The following OS9 variants were observed in gnomAD, a reference collection of about 807,000 sequenced individuals.
OS9 encodes the protein protein OS-9.
A neutral mutation model predicts 84.7 loss-of-function variants in OS9; 58 were observed. The ratio of observed to expected loss-of-function variants is 0.68; its 90% CI spans 0.55 to 0.85. The LOEUF (loss-of-function observed/expected upper bound fraction) is 0.85, where lower values mean the gene tolerates loss of function less well. OS9 is among the 40% of genes least tolerant of loss of function. The probability of loss-of-function intolerance (pLI) is 0.00; values close to 1 mark genes in which losing one functional copy is unlikely to be tolerated. For missense variants in OS9, 760 were observed against 850.9 expected (o/e 0.89, Z 1.33); for synonymous variants, 278 against 320.8 (o/e 0.87, Z 1.43).
At chr12:57,704,642 A>T (rs10783844) in intron 5 of OS9, among the ~76,000 whole-genome samples, 2 of 151,992 alleles carry the variant, frequency 1.3e-5, no homozygotes, top group East Asian at 1.9e-4. Context: ...AAGTTAGGAA[A>T]GCATTCTTTA....
At chr12:57,717,125 A>G (rs1355410169) in intron 9 of OS9, among the ~76,000 whole-genome samples, 4 of 152,232 alleles carry the variant, frequency 2.6e-5, no homozygotes, top group Non-Finnish European at 4.4e-5. Context: ...AGGGAAGACA[A>G]GCCCTTAGCC....
Position 57,695,513 on chromosome 12 carries a change from C to T in OS9, c.340-267C>T, listed in dbSNP as rs541317104. 1.8e-4 allele frequency: 118 copies of T among 659,258 alleles called. No individual in the cohort carries two copies. In the African/African-American group the frequency reaches 1.9e-3, roughly 11 times the overall value. The allele number at this position is 659,258 out of a possible 1,614,324, so 40.8% of individuals were successfully genotyped here. A position where few individuals can be genotyped will look rare whatever the true frequency, so the allele number is the denominator to read the frequency against. ...CATAATTTCTTATCTTTATGGAGGGCAAATAAGGATTTAAAAAATCTTTTA... is the reference window on the plus strand; with the variant it reads ...CATAATTTCTTATCTTTATGGAGGGTAAATAAGGATTTAAAAAATCTTTTA... On this transcript the variant is annotated intron_variant, in intron 2 of 14. Coordinates refer to ENST00000315970, the MANE Select transcript of OS9 (RefSeq NM_006812.4).
chr12:57,720,703 C>A, intron 14 of OS9, 81 bp from the exon 15 acceptor site: 1 of 1,521,290 alleles, frequency 6.6e-7, no homozygotes, highest in Non-Finnish European at 8.9e-7. Context: ...TCATTCCCTG[C>A]CTTCCCCCAG....
At chr12:57,713,764 G>C (rs1015567086) in intron 5 of OS9, among the ~76,000 whole-genome samples, 14 of 150,590 alleles carry the variant, frequency 9.3e-5, no homozygotes, top group African/African-American at 2.9e-4. Context: ...ACTGAGCTGT[G>C]GGGTAGGGGT....
chr12:57,720,641 A>T, intron 14 of OS9, 123 bp downstream of exon 14: 1 of 1,264,160 alleles, frequency 7.9e-7, no homozygotes, highest in South Asian at 1.3e-5. Flanking sequence ...CTGGGGTTCC[A>T]GTGGCTCAGA....
At chr12:57,716,280 G>GC (rs1436541456) in intron 7 of OS9, 87 bp downstream of exon 7, 11 of 513,940 alleles carry the variant, frequency 2.1e-5, no homozygotes, top group South Asian at 1.7e-4. Flanking sequence ...CTGGTGGGGT[G>GC]GGGGGGGGTG....
chr12:57,694,725 C>T, intron 1 of OS9, 25 bp from the exon 2 acceptor site: 5 of 1,612,020 alleles, frequency 3.1e-6, no homozygotes, highest in Non-Finnish European at 4.2e-6. Flanking sequence ...GCTTCCTTGC[C>T]CCCCGACCCT....
At chr12:57,711,338 C>CTTTT (rs34817746) in intron 5 of OS9, among the ~76,000 whole-genome samples, 2 of 63,506 alleles carry the variant, frequency 3.1e-5, no homozygotes, top group Admixed American at 2.6e-4. Flanking sequence ...GGCAGTATAT[C>CTTTT]TTTTTTTTTT....
intron 5 of OS9, among the ~76,000 whole-genome samples, chr12:57,713,339 G>A (rs547296342): frequency 7.2e-5 from 11 of 152,256 alleles, no homozygotes; most frequent in African/African-American, 2.6e-4. Flanking sequence ...CTGGAGTTGG[G>A]GTCAGGAATA....
Position 57,715,932 on chromosome 12 carries a change from A to C in OS9, c.752A>C (p.Gln251Pro). The stretch of plus-strand genomic sequence containing the variant: ...GCCATCCTCTGTCACCCTTCCCTAC[A>C]GCCTGAGGAGTACATGGCCTACGTT... The part of the protein sequence containing the change: ...PQAILCHPSL[Q>P]PEEYMAYVQR... Residue 251 changes from glutamine to proline, a missense_variant, in exon 6 of 15, where the codon CAG becomes CCG. By Grantham distance (76) the Gln-to-Pro change is moderately conservative. Transcript: ENST00000315970. The C allele has an allele frequency of 6.2e-7, 1 of 1,613,090 alleles. No homozygotes were observed. The highest frequency in any genetic ancestry group is 8.5e-7 in the Non-Finnish European group (1 of 1,179,582).
At chr12:57,697,298 G>A (rs1044484678) in intron 5 of OS9, among the ~76,000 whole-genome samples, 5 of 152,230 alleles carry the variant, frequency 3.3e-5, no homozygotes, top group Non-Finnish European at 5.9e-5. Flanking sequence ...CTGTAAGTCT[G>A]CATCACTTCT....
At chr12:57,715,365 AAAT>A (rs368406332) in intron 5 of OS9, among the ~76,000 whole-genome samples, 28 of 151,752 alleles carry the variant, frequency 1.8e-4, no homozygotes, top group East Asian at 3.9e-4. Context: ...TCCATCTCAA[AAAT>A]AATAATAATA....
rs970770929 is a variant in OS9 at position 57,719,360 on chromosome 12, TA to T, written c.1600+179del. The T allele has an allele frequency of 3.3e-4, 198 of 606,002 alleles. No homozygotes were observed. In the African/African-American group the frequency reaches 3.4e-3, roughly 10 times the overall value. 37.5% of individuals were successfully genotyped at this position (606,002 alleles called of 1,614,324 possible). On this transcript the variant is annotated intron_variant, in intron 12 of 14. Transcript: ENST00000315970. ...CAACACCATCATCCCTTTGCGTGTT[TA>T]CCTCCTATTCATCCCTCTGGGAAGC...
chr12:57,709,209 T>G (rs1051447077), intron 5 of OS9, among the ~76,000 whole-genome samples: 3 of 152,234 alleles, frequency 2.0e-5, no homozygotes, highest in African/African-American at 7.2e-5. Context: ...GATATTGTCC[T>G]TTTGTCTGTG....
chr12:57,713,787 T>C (rs992863120), intron 5 of OS9, among the ~76,000 whole-genome samples: 2 of 151,242 alleles, frequency 1.3e-5, no homozygotes, highest in Non-Finnish European at 2.9e-5. Context: ...GGGGCATAGA[T>C]TGAGGGAGCA....
chr12:57,694,223 C>G lies in OS9; in HGVS notation c.62C>G (p.Pro21Arg), dbSNP rs776272690. 37 of 1,614,010 alleles carry G rather than the reference C, an allele frequency of 2.3e-5. No homozygotes were observed. The highest frequency in any genetic ancestry group is 3.1e-5 in the Non-Finnish European group (36 of 1,180,018). The change falls in exon 1 of 15, where the codon CCC becomes CGC. Residue 21 changes from proline (P) to arginine (R), a missense_variant. Coordinates refer to ENST00000315970, the MANE Select transcript of OS9 (RefSeq NM_006812.4). ...LGLLLLGLLL[P>R]ASLTGGVGSL... ...CTGCTGCTTCTGGGACTCCTGTTAC[C>G]CGCAAGTCTGACCGGCGGTGTCGGG...
At chr12:57,717,609 A>G (rs577970213) in intron 9 of OS9, among the ~76,000 whole-genome samples, 2 of 152,098 alleles carry the variant, frequency 1.3e-5, no homozygotes, top group African/African-American at 4.8e-5. Flanking sequence ...CCTGGCCAAC[A>G]TGGTGAAACC....
At chr12:57,699,681 T>A (rs1953962709) in intron 5 of OS9, among the ~76,000 whole-genome samples, 1 of 152,370 alleles carries the variant, frequency 6.6e-6, no homozygotes, top group Non-Finnish European at 1.5e-5. Flanking sequence ...GTATAAATTC[T>A]CTACTTCCAG....
chr12:57,705,926 T>C (rs80323838), intron 5 of OS9, among the ~76,000 whole-genome samples: 3,571 of 152,326 alleles, frequency 0.023, 130 homozygotes, highest in African/African-American at 0.079. Flanking sequence ...TCATTTTTAG[T>C]AGTTCACAAA....
Sources: allele counts gnomAD v4.1 joint callset (sites outside exome capture counted in the v4.1 genomes callset), GRCh38; gene constraint gnomAD v4.1.1; transcripts MANE v1.5; gene names NCBI Gene and HGNC (gene_info 2026-07-23, HGNC 2026-07-21).